Variants in NRXN3 observed in about 807,000 individuals in gnomAD.
The protein encoded by NRXN3 is neurexin III.
In NRXN3, 32 loss-of-function variants were observed where a neutral mutation model predicts 137.6. The observed-to-expected ratio is 0.23, with a 90% CI of 0.18 to 0.31. NRXN3 has a LOEUF of 0.31. Among genes scored for constraint, NRXN3 ranks in the 10% least tolerant of loss-of-function variants. The pLI, the probability that NRXN3 is intolerant of heterozygous loss-of-function variation, is 1.00. For missense variants in NRXN3, 1,574 were observed against 2,062.5 expected (o/e 0.76, Z 4.59); for synonymous variants, 798 against 784.5 (o/e 1.02, Z -0.29).
At position 79,131,773 on chromosome 14, in the gene NRXN3, C is replaced by A. The variant is rs527924168; in HGVS notation, c.3262+143632C>A. ...TGGGCAATGGCGAGTGCCCCTCCCC[C>A]AGCCTTGCTGCCACCTTGCAGTTTG... On this transcript the variant is annotated intron_variant, in intron 15 of 20. Transcript: ENST00000335750. Among the ~76,000 whole-genome samples, 10 of 152,362 alleles carry A rather than the reference C, an allele frequency of 6.6e-5. No individual in the cohort carries two copies. The East Asian group carries it at 1.5e-3, about 24-fold the overall frequency.
intron 15 of NRXN3, among the ~76,000 whole-genome samples, chr14:79,124,877 G>A (rs183982601): frequency 5.3e-5 from 8 of 150,078 alleles, no homozygotes; most frequent in East Asian, 1.9e-4. Flanking sequence ...AGATAAAATA[G>A]CTGTTTTTTT....
intron 4 of NRXN3, among the ~76,000 whole-genome samples, chr14:78,538,196 C>T (rs1462377769): frequency 1.3e-5 from 2 of 152,154 alleles, no homozygotes; most frequent in Non-Finnish European, 2.9e-5. Flanking sequence ...CTATAAATTA[C>T]TTTGGGCAGT....
chr14:78,948,129 G>T (rs536123829), intron 10 of NRXN3, among the ~76,000 whole-genome samples: 4 of 152,266 alleles, frequency 2.6e-5, no homozygotes, highest in South Asian at 2.1e-4. Context: ...TTCTGGAGTG[G>T]TCCCCAAAAG....
chr14:78,248,292 A>ACCACC (rs2067993284), intron 2 of NRXN3, among the ~76,000 whole-genome samples: 1 of 6,686 alleles, frequency 1.5e-4, no homozygotes, highest in African/African-American at 5.5e-4. Context: ...GTGACTAGCC[A>ACCACC]CCGCCCCCCG....
At chr14:79,807,164 C>T (rs937971524) in intron 20 of NRXN3, among the ~76,000 whole-genome samples, 2 of 150,928 alleles carry the variant, frequency 1.3e-5, no homozygotes, top group South Asian at 2.1e-4. Context: ...TGTACAAATG[C>T]GGTTCTCACC....
chr14:78,230,136 C>T (rs1466552471), intron 1 of NRXN3, among the ~76,000 whole-genome samples: 4 of 152,076 alleles, frequency 2.6e-5, no homozygotes, highest in East Asian at 1.9e-4. Flanking sequence ...GTGATCCTCC[C>T]GCCTCAGCTT....
intron 1 of NRXN3, among the ~76,000 whole-genome samples, chr14:78,172,611 G>A (rs2058832099): frequency 6.6e-6 from 1 of 152,086 alleles, no homozygotes. Context: ...CCCATTTTCT[G>A]CAGCCTGAGG....
At chr14:78,980,133 C>T (rs139030204) in intron 14 of NRXN3, among the ~76,000 whole-genome samples, 50 of 152,326 alleles carry the variant, frequency 3.3e-4, no homozygotes, top group African/African-American at 1.2e-3. Context: ...TTGACTTAAG[C>T]CCTTCACTCC....
rs562122451 is a variant in NRXN3 at position 78,258,188 on chromosome 14, A to G, written c.709+14386A>G. On this transcript the variant is annotated intron_variant, in intron 2 of 20. Transcript: ENST00000335750. ...GAGTGCTCAGGACAATGCTTGGCAC[A>G]TAGTAAACCCTTAGTGAATGTTAGC... Among the ~76,000 whole-genome samples, 9 of 152,352 alleles carry G rather than the reference A, an allele frequency of 5.9e-5. No homozygotes were observed. The South Asian group carries it at 6.2e-4, about 11-fold the overall frequency.
At chr14:78,331,027 T>C (rs2080757488) in intron 4 of NRXN3, among the ~76,000 whole-genome samples, 1 of 152,186 alleles carries the variant, frequency 6.6e-6, no homozygotes, top group African/African-American at 2.4e-5. Context: ...TGTTTGAGCA[T>C]GCAAATTTTA....
intron 4 of NRXN3, among the ~76,000 whole-genome samples, chr14:78,548,733 C>T (rs11622620): frequency 0.22 from 33,550 of 152,088 alleles, 4,148 homozygotes; most frequent in Middle Eastern, 0.32. Flanking sequence ...CCTCACTAGA[C>T]GTATTCTATT....
chr14:79,381,123 A>C (rs1240241424), intron 15 of NRXN3, among the ~76,000 whole-genome samples: 1 of 152,120 alleles, frequency 6.6e-6, no homozygotes, highest in Non-Finnish European at 1.5e-5. Context: ...AGGTGTCTCA[A>C]GAAAAAAATG....
At chr14:79,530,560 CT>C (rs1297416072) in intron 16 of NRXN3, among the ~76,000 whole-genome samples, 2 of 149,514 alleles carry the variant, frequency 1.3e-5, no homozygotes, top group East Asian at 3.9e-4. Context: ...TCTCTGCTCT[CT>C]CTGTTTGGAT....
intron 15 of NRXN3, among the ~76,000 whole-genome samples, chr14:79,186,469 T>A (rs2063559113): frequency 2.0e-5 from 3 of 152,140 alleles, no homozygotes; most frequent in Admixed American, 6.5e-5. Flanking sequence ...GCAGTCACAA[T>A]AAGATACATG....
At chr14:79,751,682 C>A (rs1219509061) in intron 19 of NRXN3, among the ~76,000 whole-genome samples, 3 of 149,888 alleles carry the variant, frequency 2.0e-5, no homozygotes, top group Non-Finnish European at 4.5e-5. Flanking sequence ...AGTTTTTGCC[C>A]ATTCAGTATG....
intron 15 of NRXN3, among the ~76,000 whole-genome samples, chr14:79,406,547 C>A (rs1045436125): frequency 6.6e-6 from 1 of 152,014 alleles, no homozygotes; most frequent in Admixed American, 6.6e-5. Context: ...AAGCAATTCA[C>A]CCTCCTCGGC....
chr14:78,640,798 A>C (rs1191985925), intron 4 of NRXN3, among the ~76,000 whole-genome samples: 1 of 152,220 alleles, frequency 6.6e-6, no homozygotes, highest in Non-Finnish European at 1.5e-5. Flanking sequence ...GTTGTCATAC[A>C]GAGTTGAGCT....
chr14:79,008,674 T>G (rs2099561534), intron 15 of NRXN3, among the ~76,000 whole-genome samples: 1 of 151,492 alleles, frequency 6.6e-6, no homozygotes, highest in African/African-American at 2.4e-5. Context: ...TTTTTTTTTT[T>G]TTTTGACAGA....
At chr14:78,795,923 T>C (rs1054809583) in intron 8 of NRXN3, among the ~76,000 whole-genome samples, 2 of 152,248 alleles carry the variant, frequency 1.3e-5, no homozygotes, top group Admixed American at 1.3e-4. Flanking sequence ...ATTTAAACTG[T>C]AACCAGCTGC....
Sources: allele counts gnomAD v4.1 joint callset (sites outside exome capture counted in the v4.1 genomes callset), GRCh38; gene constraint gnomAD v4.1.1; transcripts MANE v1.5; gene names NCBI Gene and HGNC (gene_info 2026-07-23, HGNC 2026-07-21).